RIPK2: variants seen among roughly 807,000 people sequenced by gnomAD.
The protein encoded by RIPK2 is receptor interacting serine/threonine kinase 2, also known as receptor-interacting serine/threonine-protein kinase 2.
In RIPK2, 38 loss-of-function variants were observed where a neutral mutation model predicts 60.9. The observed-to-expected ratio is 0.62, with a 90% CI of 0.48 to 0.82. The LOEUF (loss-of-function observed/expected upper bound fraction) is 0.82. Among genes scored for constraint, RIPK2 ranks in the 40% least tolerant of loss-of-function variants. RIPK2 has a pLI of 0.00. For missense variants in RIPK2, 518 were observed against 647.0 expected, an observed-to-expected ratio of 0.80 and a Z score of 2.16; for synonymous variants, 225 against 223.4, an observed-to-expected ratio of 1.01 and a Z score of -0.06.
In RIPK2 at chr8:89,784,056, A is replaced by T. The variant is rs778159445; in HGVS notation, c.946A>T (p.Ser316Cys). ...VIQLKKTKLQSVSSAIHLCDK... is the reference protein window; with the variant it reads ...VIQLKKTKLQCVSSAIHLCDK... ...ATTTATGTATTCATTACAGTTACAGAGTGTTTCAAGTGCCATTCACCTATG... is the reference window on the plus strand; with the variant it reads ...ATTTATGTATTCATTACAGTTACAGTGTGTTTCAAGTGCCATTCACCTATG... The change falls in exon 8 of 11, where the codon AGT becomes TGT. Residue 316 changes from serine to cysteine, a missense_variant. By Grantham distance (112) the Ser-to-Cys change is moderately radical (BLOSUM62 -1). Transcript: ENST00000220751. The T allele has an allele frequency of 3.9e-6, 6 of 1,532,706 alleles. No individual in the cohort carries two copies. Among genetic ancestry groups the T allele is most frequent in the Non-Finnish European group, 4.5e-6 (5 of 1,122,068 alleles). 94.9% of individuals were successfully genotyped at this position (1,532,706 alleles called of 1,614,324 possible).
At chr8:89,759,874 T>C (rs1809116823) in intron 1 of RIPK2, among the ~76,000 whole-genome samples, 1 of 152,228 alleles carries the variant, frequency 6.6e-6, no homozygotes, top group South Asian at 2.1e-4. Flanking sequence ...TTTTGATTTA[T>C]CTAAGCTTTG....
Position 89,790,516 on chromosome 8 carries a change from T to C in RIPK2, c.*100T>C. 1 of 823,510 alleles carries C rather than the reference T, an allele frequency of 1.2e-6. No individual in the cohort carries two copies. The highest frequency in any genetic ancestry group is 3.0e-5 in the Admixed American group (1 of 33,472). 51.0% of individuals were successfully genotyped at this position (823,510 alleles called of 1,614,324 possible). On this transcript the variant is annotated 3_prime_UTR_variant, in exon 11 of 11. Transcript: ENST00000220751. ...AAAATCCGTGAGTATTAAAGCTTTA[T>C]TGAAGGTTCTTTGGGTAAATATTAG...
chr8:89,774,757 G>A (rs1401846208), intron 6 of RIPK2, among the ~76,000 whole-genome samples: 1 of 152,088 alleles, frequency 6.6e-6, no homozygotes, highest in Non-Finnish European at 1.5e-5. Context: ...TCTAAGAAGG[G>A]AATATACATA....
chr8:89,762,712 A>C (rs1415764856), intron 1 of RIPK2, 117 bp from the exon 2 acceptor site: 9 of 482,420 alleles, frequency 1.9e-5, no homozygotes, highest in Non-Finnish European at 2.8e-5. Context: ...GAGAAGTTGC[A>C]TAATTTACAT....
intron 3 of RIPK2, among the ~76,000 whole-genome samples, chr8:89,767,372 G>T (rs1809246139): frequency 6.6e-6 from 1 of 151,542 alleles, no homozygotes; most frequent in Non-Finnish European, 1.5e-5. Flanking sequence ...AATGTTCAAA[G>T]AAATCAGTAA....
rs1809332799 is a variant in RIPK2, at chr8:89,772,651, CTATT to C, written c.692-14_692-11del. The C allele has an allele frequency of 6.4e-7, 1 of 1,555,516 alleles. No homozygotes were observed. Among genetic ancestry groups the C allele is most frequent in the Admixed American group, 1.8e-5 (1 of 55,634 alleles). ...ATAATATATTACTAATGAATGCAAT[CTATT>C]TGTTTTGACAGATGTCACCAATCCT... On this transcript the variant is annotated splice_polypyrimidine_tract_variant and intron_variant, in intron 5 of 10. Transcript: ENST00000220751.
At chr8:89,759,864 T>G (rs1809116681) in intron 1 of RIPK2, among the ~76,000 whole-genome samples, 1 of 152,186 alleles carries the variant, frequency 6.6e-6, no homozygotes, top group South Asian at 2.1e-4. Context: ...CTTCTCAGGA[T>G]TTTGATTTAT....
Position 89,772,717 on chromosome 8 carries a change from C to T in RIPK2, c.742C>T (p.Pro248Ser), listed in dbSNP as rs1414129190. ...GTATAGTGTGTCACAAGGACATCGA[C>T]CTGTTATTAATGAAGAAAGTTTGCC... ...IMYSVSQGHR[P>S]VINEESLPYD... Residue 248 changes from proline to serine, a missense_variant, in exon 6 of 11, where the codon CCT (proline) becomes TCT (serine). Transcript: ENST00000220751. 3 of 1,611,520 alleles carry T rather than the reference C, an allele frequency of 1.9e-6. No individual in the cohort carries two copies. Among genetic ancestry groups the T allele is most frequent in the Admixed American group, 1.7e-5 (1 of 59,858 alleles).
intron 6 of RIPK2, among the ~76,000 whole-genome samples, chr8:89,779,043 T>C (rs774596364): frequency 3.9e-5 from 6 of 152,202 alleles, no homozygotes; most frequent in African/African-American, 1.2e-4. Flanking sequence ...CCTTTTCTTA[T>C]GATGTTAAGC....
chr8:89,765,341 A>G lies in RIPK2; in HGVS notation c.328A>G (p.Lys110Glu). 6.2e-7 allele frequency: 1 copy of G among 1,600,754 alleles called. No homozygotes were observed. The highest frequency in any genetic ancestry group is 8.5e-7 in the Non-Finnish European group (1 of 1,173,112). ...TCTTTCTTTTCACATATATATGAAG[A>G]AAACTGAATATCCTGATGTTGCTTG... ...NGSLNELLHR[K>E]TEYPDVAWPL... The change falls in exon 3 of 11, where the codon AAA becomes GAA. Residue 110 changes from lysine to glutamate, a missense_variant and splice_region_variant. Physicochemically the swap from Lys to Glu is moderately conservative, Grantham distance 56. Around this residue, in one of 3 missense-constraint regions of RIPK2, gnomAD observed 448 missense variants for 534.7 expected, o/e 0.84. Coordinates refer to ENST00000220751, the MANE Select transcript of RIPK2 (RefSeq NM_003821.6).
intron 7 of RIPK2, among the ~76,000 whole-genome samples, chr8:89,783,082 G>A (rs1363663747): frequency 1.3e-5 from 2 of 152,210 alleles, no homozygotes; most frequent in African/African-American, 4.8e-5. Context: ...ATGAATAAGA[G>A]TAATTTCCTT....
Position 89,765,335 on chromosome 8 carries a change from A to G in RIPK2, c.328-6A>G, listed in dbSNP as rs181817559. 4.9e-4 allele frequency: 784 copies of G among 1,593,398 alleles called. 1 individual carries two copies. The highest frequency in any genetic ancestry group is 3.6e-4 in the Non-Finnish European group (416 of 1,167,510). On this transcript the variant is annotated splice_polypyrimidine_tract_variant and splice_region_variant and intron_variant, in intron 2 of 10. Transcript: ENST00000220751. The stretch of plus-strand genomic sequence containing the variant: ...TCATTTTCTTTCTTTTCACATATAT[A>G]TGAAGAAAACTGAATATCCTGATGT...
At chr8:89,766,750 T>C (rs577152995) in intron 3 of RIPK2, among the ~76,000 whole-genome samples, 2 of 151,846 alleles carry the variant, frequency 1.3e-5, no homozygotes, top group South Asian at 2.1e-4. Flanking sequence ...TTTTCCTAAC[T>C]GCTAATGATA....
chr8:89,777,506 G>C (rs1809418401), intron 6 of RIPK2, among the ~76,000 whole-genome samples: 1 of 152,108 alleles, frequency 6.6e-6, no homozygotes. Flanking sequence ...TAAGAACTTA[G>C]AGTTTATTTT....
At chr8:89,781,293 C>T (rs1316949102) in intron 7 of RIPK2, among the ~76,000 whole-genome samples, 1 of 151,676 alleles carries the variant, frequency 6.6e-6, no homozygotes, top group Admixed American at 6.6e-5. Context: ...CTGGCTCCAC[C>T]ACTTCTGAGT....
At position 89,786,692 on chromosome 8, in the gene RIPK2, T is replaced by C. The variant is rs142087655; in HGVS notation, c.1123+6T>C. On this transcript the variant is annotated splice_donor_region_variant and intron_variant, in intron 9 of 10. Transcript: ENST00000220751. The stretch of plus-strand genomic sequence containing the variant: ...AGACAATGATTTTTTATCTAGTATG[T>C]AGATTTTCCAATCATTATTTACTTG... 3.2e-4 allele frequency: 464 copies of C among 1,471,524 alleles called. 2 individuals are homozygous for C. The African/African-American group carries it at 6.0e-3, about 19-fold the overall frequency. 91.2% of individuals were successfully genotyped at this position (1,471,524 alleles called of 1,614,324 possible).
rs573886736 is a variant in RIPK2, at chr8:89,761,267, A to C, written c.174-1562A>C. ...GAGGTGTAAGAACTAACTTATCATC[A>C]TTACTTACCTAATAGGCTTCTCCTG... On this transcript the variant is annotated intron_variant, in intron 1 of 10. Coordinates refer to ENST00000220751, the MANE Select transcript of RIPK2 (RefSeq NM_003821.6). Among the ~76,000 whole-genome samples, 4 of 152,210 alleles carry C rather than the reference A, an allele frequency of 2.6e-5. No homozygotes were observed. In the South Asian group the frequency reaches 8.3e-4, roughly 32 times the overall value.
At chr8:89,779,233 C>CTTT (rs139286747) in intron 6 of RIPK2, among the ~76,000 whole-genome samples, 8,864 of 145,670 alleles carry the variant, frequency 0.061, 797 homozygotes, top group African/African-American at 0.2. Context: ...TGCAGCTTAT[C>CTTT]TTATTTTTTC....
At position 89,762,924 on chromosome 8, in the gene RIPK2, T is replaced by G. The variant is rs1374082877; in HGVS notation, c.269T>G (p.Phe90Cys). 1.6e-5 allele frequency: 25 copies of G among 1,533,666 alleles called. No homozygotes were observed. The highest frequency in any genetic ancestry group is 1.7e-4 in the Middle Eastern group (1 of 5,808). ...PILGICNEPEFLGIVTEYMPN... is the reference protein window; with the variant it reads ...PILGICNEPECLGIVTEYMPN... Reference sequence around the variant, plus strand: ...TTGGGAATTTGCAATGAGCCTGAATTTTTGGGAATAGTTACTGAATACATG... The same window carrying G: ...TTGGGAATTTGCAATGAGCCTGAATGTTTGGGAATAGTTACTGAATACATG... The change falls in exon 2 of 11, where the codon TTT becomes TGT. Residue 90 changes from phenylalanine to cysteine, a missense_variant. By Grantham distance (205) the Phe-to-Cys change is radical. This residue lies in a region of RIPK2 where 448 missense variants were observed against 534.7 expected (regional missense o/e 0.84). Transcript: ENST00000220751.
Sources: gnomAD v4.1 joint callset for allele counts (sites outside exome capture counted in the v4.1 genomes callset) on GRCh38, gnomAD v4.1.1 for gene constraint, gnomAD v4.1.1 regional missense constraint, MANE v1.5 for transcripts, NCBI Gene and HGNC (gene_info 2026-07-23, HGNC 2026-07-21) for gene names.